Variants in EMCN observed in about 807,000 individuals in gnomAD.
EMCN encodes the protein endomucin.
A neutral mutation model predicts 38.4 loss-of-function variants in EMCN; 37 were observed. The observed-to-expected ratio is 0.96, with a 90% CI of 0.74 to 1.27. The LOEUF is 1.27. Ranked by LOEUF, EMCN falls within the 50% of genes most tolerant of loss-of-function variation. The probability of loss-of-function intolerance (pLI) is 0.00; values close to 1 mark genes in which losing one functional copy is unlikely to be tolerated. For synonymous variants in EMCN, 95 were observed against 100.8 expected, an observed-to-expected ratio of 0.94 and a Z score of 0.35; for missense variants, 318 against 302.8, an observed-to-expected ratio of 1.05 and a Z score of -0.37.
chr4:100,517,761 C>G, intron 1 of EMCN, 90 bp downstream of exon 1: 1 of 1,190,610 alleles, frequency 8.4e-7, no homozygotes, highest in Admixed American at 1.7e-5. Context: ...ATCTAAGTGT[C>G]AGGGGAAGAT....
At chr4:100,453,157 C>T (rs1385679558) in intron 4 of EMCN, among the ~76,000 whole-genome samples, 1 of 152,018 alleles carries the variant, frequency 6.6e-6, no homozygotes, top group African/African-American at 2.4e-5. Flanking sequence ...CAACAAAAGC[C>T]AAAATTGACA....
intron 1 of EMCN, among the ~76,000 whole-genome samples, chr4:100,513,883 C>T (rs186757798): frequency 6.6e-6 from 1 of 152,206 alleles, no homozygotes; most frequent in East Asian, 1.9e-4. Context: ...TGTTGCTGAG[C>T]AATCTGTAAC....
intron 11 of EMCN, among the ~76,000 whole-genome samples, chr4:100,406,970 A>G (rs1457920611): frequency 4.0e-5 from 6 of 151,898 alleles, no homozygotes; most frequent in Admixed American, 3.9e-4. Context: ...ACCCTTTATC[A>G]CTTCCTTTCT....
At chr4:100,487,499 C>T (rs891004505) in intron 1 of EMCN, among the ~76,000 whole-genome samples, 22 of 152,132 alleles carry the variant, frequency 1.4e-4, no homozygotes, top group African/African-American at 4.6e-4. Flanking sequence ...ATTAAATCTT[C>T]GGCTTTTGAT....
chr4:100,459,168 GCTCTCTCTCTCT>G (rs70958363), intron 4 of EMCN, among the ~76,000 whole-genome samples: 3,280 of 132,550 alleles, frequency 0.025, 50 homozygotes, highest in African/African-American at 0.03. Flanking sequence ...GCCCTCAGAT[GCTCTCTCTCTCT>G]CTCTCTCTCT....
Position 100,410,350 on chromosome 4 carries a change from G to T in EMCN, c.757C>A (p.His253Asn). 6.2e-7 allele frequency: 1 copy of T among 1,613,664 alleles called. No individual in the cohort carries two copies. The highest frequency in any genetic ancestry group is 8.5e-7 in the Non-Finnish European group (1 of 1,179,644). The stretch of plus-strand genomic sequence containing the variant: ...TTCTTGGTTTTTCCTTGTGCAGAGT[G>T]CTCACCTGAGAACAGAAGATATGTT... ...VKTISHESGE[H>N]SAQGKTKN The change falls in exon 11 of 12, where the codon CAC becomes AAC. Residue 253 changes from histidine (H) to asparagine (N), a missense_variant. By Grantham distance (68) the His-to-Asn change is moderately conservative. Coordinates refer to ENST00000296420, the MANE Select transcript of EMCN (RefSeq NM_016242.4).
intron 4 of EMCN, among the ~76,000 whole-genome samples, chr4:100,456,191 A>G (rs1728012265): frequency 1.3e-5 from 2 of 151,896 alleles, no homozygotes; most frequent in African/African-American, 4.8e-5. Flanking sequence ...CACCTCACTG[A>G]TATTTTATTC....
intron 11 of EMCN, among the ~76,000 whole-genome samples, chr4:100,399,821 T>G (rs777856391): frequency 6.6e-6 from 1 of 152,154 alleles, no homozygotes; most frequent in Non-Finnish European, 1.5e-5. Context: ...TACAGGTTTG[T>G]TATATAGGTA....
intron 2 of EMCN, 84 bp from the exon 3 acceptor site, chr4:100,475,193 T>C (rs1387778043): frequency 1.5e-6 from 1 of 648,728 alleles, no homozygotes; most frequent in Non-Finnish European, 2.5e-6. Flanking sequence ...AATCTATAGG[T>C]GGACTGGCAT....
intron 5 of EMCN, among the ~76,000 whole-genome samples, chr4:100,445,149 A>G (rs1406066788): frequency 6.6e-6 from 1 of 152,038 alleles, no homozygotes; most frequent in African/African-American, 2.4e-5. Flanking sequence ...TCCTTTAGTT[A>G]TTTTGATCAA....
At chr4:100,492,132 A>G (rs1240691927) in intron 1 of EMCN, among the ~76,000 whole-genome samples, 1 of 152,234 alleles carries the variant, frequency 6.6e-6, no homozygotes, top group Non-Finnish European at 1.5e-5. Context: ...GAAAATAGGA[A>G]TAAAAAATTA....
At chr4:100,502,014 G>A (rs991115240) in intron 1 of EMCN, among the ~76,000 whole-genome samples, 1 of 152,120 alleles carries the variant, frequency 6.6e-6, no homozygotes, top group Admixed American at 6.5e-5. Context: ...AATTTAATAG[G>A]CGAAAGAAAG....
intron 5 of EMCN, among the ~76,000 whole-genome samples, chr4:100,427,192 T>C (rs1317247442): frequency 6.6e-6 from 1 of 152,170 alleles, no homozygotes; most frequent in African/African-American, 2.4e-5. Context: ...ACCAATAGAA[T>C]AGAGCAGACT....
chr4:100,456,965 T>C (rs1296493264), intron 4 of EMCN, among the ~76,000 whole-genome samples: 1 of 152,190 alleles, frequency 6.6e-6, no homozygotes, highest in Non-Finnish European at 1.5e-5. Flanking sequence ...ATGTTTGCTT[T>C]ATATATTTTC....
Position 100,421,300 on chromosome 4 carries a change from A to G in EMCN, c.646T>C (p.Cys216Arg). ...VFVLVGLYRM[C>R]WKADPGTPEN... ...TACCTACCCGGATCTGCCTTCCAGC[A>G]CATTCGGTACAAACCCACCAGAACA... Residue 216 changes from cysteine (C) to arginine (R), a missense_variant, in exon 8 of 12, where the codon TGC becomes CGC. Cys to Arg is a radical substitution (Grantham distance 180). Coordinates refer to ENST00000296420, the MANE Select transcript of EMCN (RefSeq NM_016242.4). The G allele has an allele frequency of 6.2e-7, 1 of 1,612,834 alleles. No homozygotes were observed. The highest frequency in any genetic ancestry group is 2.2e-5 in the East Asian group (1 of 44,838).
intron 4 of EMCN, among the ~76,000 whole-genome samples, chr4:100,458,680 C>T (rs1320536788): frequency 6.6e-6 from 1 of 152,084 alleles, no homozygotes; most frequent in Non-Finnish European, 1.5e-5. Flanking sequence ...TAACAAAGGC[C>T]TTAAAACAGC....
intron 1 of EMCN, among the ~76,000 whole-genome samples, chr4:100,498,442 ATC>A (rs1349510797): frequency 6.6e-6 from 1 of 152,204 alleles, no homozygotes; most frequent in African/African-American, 2.4e-5. Flanking sequence ...TTAGTAAAAT[ATC>A]TCTGTCATGA....
At chr4:100,475,164 C>CA in intron 2 of EMCN, 55 bp from the exon 3 acceptor site, 1 of 921,260 alleles carries the variant, frequency 1.1e-6, no homozygotes, top group Non-Finnish European at 1.6e-6. Context: ...TGTTATCTGT[C>CA]AATAAATAAA....
At chr4:100,507,924 G>A (rs1307310944) in intron 1 of EMCN, among the ~76,000 whole-genome samples, 1 of 152,032 alleles carries the variant, frequency 6.6e-6, no homozygotes, top group Admixed American at 6.5e-5. Flanking sequence ...CAGAGAATTG[G>A]CCTTTTACAT....
Sources: allele counts gnomAD v4.1 joint callset (sites outside exome capture counted in the v4.1 genomes callset), GRCh38; gene constraint gnomAD v4.1.1; transcripts MANE v1.5; gene names NCBI Gene and HGNC (gene_info 2026-07-23, HGNC 2026-07-21).